The following CENPP variants were observed in gnomAD, a reference collection of about 807,000 sequenced individuals.
The protein encoded by CENPP is centromere protein P.
Under a neutral mutation model 35.6 loss-of-function variants are expected in CENPP, and 24 were observed. The observed-to-expected ratio is 0.67, with a 90% CI of 0.49 to 0.95. CENPP has a LOEUF of 0.95. CENPP is among the 40% of genes least tolerant of loss of function. The pLI is 0.00. For synonymous variants in CENPP, 120 were observed against 125.5 expected (o/e 0.96, Z 0.29); for missense variants, 332 against 345.3 (o/e 0.96, Z 0.31).
In CENPP at chr9:92,345,742, T is replaced by A. The variant is rs1841275657; in HGVS notation, c.422T>A (p.Ile141Lys). The A allele has an allele frequency of 1.2e-6, 2 of 1,603,748 alleles. No homozygotes were observed. Among genetic ancestry groups the A allele is most frequent in the Non-Finnish European group, 1.7e-6 (2 of 1,171,380 alleles). ...TCTGCTGTTACTGACCTCAACATAA[T>A]AATGGAGCCCACAGAATGCTCAGAA... is the stretch of plus-strand genomic sequence containing the variant. Reference protein sequence around the residue: ...LSSAVTDLNIIMEPTECSELS... With the variant: ...LSSAVTDLNIKMEPTECSELS... The change falls in exon 4 of 8, where the codon ATA (isoleucine) becomes AAA (lysine). Residue 141 changes from isoleucine (I) to lysine (K), a missense_variant. By Grantham distance (102) the Ile-to-Lys change is moderately radical. Coordinates refer to ENST00000375587, the MANE Select transcript of CENPP (RefSeq NM_001012267.3).
chr9:92,596,853 T>C (rs138353504), intron 5 of CENPP, among the ~76,000 whole-genome samples: 1 of 152,056 alleles, frequency 6.6e-6, no homozygotes, highest in East Asian at 1.9e-4. Context: ...AAATGAGGCA[T>C]AGGAAGTTTC....
chr9:92,510,161 G>T, intron 5 of CENPP: 1 of 1,010,160 alleles, frequency 9.9e-7, no homozygotes, highest in Non-Finnish European at 1.4e-6. Context: ...TAATGTCCAG[G>T]CCACACAGCA....
intron 5 of CENPP, among the ~76,000 whole-genome samples, chr9:92,464,051 A>G (rs1476038750): frequency 6.6e-6 from 1 of 152,198 alleles, no homozygotes; most frequent in Non-Finnish European, 1.5e-5. Flanking sequence ...ACTCATGGAT[A>G]CTGAAAGACG....
intron 5 of CENPP, among the ~76,000 whole-genome samples, chr9:92,487,574 A>C (rs1846089240): frequency 6.6e-6 from 1 of 152,250 alleles, no homozygotes; most frequent in Non-Finnish European, 1.5e-5. Flanking sequence ...TGAAACCTCC[A>C]ATATAATAAT....
At chr9:92,599,096 C>G (rs962060680) in intron 5 of CENPP, among the ~76,000 whole-genome samples, 3 of 151,370 alleles carry the variant, frequency 2.0e-5, no homozygotes, top group Non-Finnish European at 4.4e-5. Flanking sequence ...AATTCCACAC[C>G]CAGAGTAAGA....
rs561391431 is a variant in CENPP, at chr9:92,419,290, G to A, written c.564+39431G>A. Among the ~76,000 whole-genome samples, 11 of 146,428 alleles carry A rather than the reference G, an allele frequency of 7.5e-5. No homozygotes were observed. The South Asian group carries it at 2.1e-3, about 29-fold the overall frequency. Reference sequence around the variant, plus strand: ...ACCTTGGCTGCTTATCTTGTATGTTGCCTTGTGTCTTTTTTTTTTTTTTTT... The same window carrying A: ...ACCTTGGCTGCTTATCTTGTATGTTACCTTGTGTCTTTTTTTTTTTTTTTT... On this transcript the variant is annotated intron_variant, in intron 5 of 7. Coordinates refer to ENST00000375587, the MANE Select transcript of CENPP (RefSeq NM_001012267.3).
Position 92,614,720 on chromosome 9 carries a change from C to T in CENPP, c.*1571C>T, listed in dbSNP as rs1029592083. On this transcript the variant is annotated 3_prime_UTR_variant, in exon 8 of 8. Coordinates refer to ENST00000375587, the MANE Select transcript of CENPP (RefSeq NM_001012267.3). ...ATAAGCCTCCATTAGTCCCTCAAAA[C>T]GATGATATAAATAAGTCTGTACAAC... is the stretch of plus-strand genomic sequence containing the variant. 3 of 152,586 alleles carry T rather than the reference C, an allele frequency of 2.0e-5. No homozygotes were observed. The highest frequency in any genetic ancestry group is 2.1e-4 in the South Asian group (1 of 4,826). The allele number at this position is 152,586 out of a possible 1,614,324, so 9.5% of individuals were successfully genotyped here. A position where few individuals can be genotyped will look rare whatever the true frequency, so the allele number is the denominator to read the frequency against.
At chr9:92,441,586 C>G (rs543737374) in intron 5 of CENPP, among the ~76,000 whole-genome samples, 4 of 152,152 alleles carry the variant, frequency 2.6e-5, no homozygotes, top group African/African-American at 9.6e-5. Flanking sequence ...TAACAAGACT[C>G]CACCTCTACA....
intron 5 of CENPP, among the ~76,000 whole-genome samples, chr9:92,387,480 T>C (rs938966090): frequency 7.9e-5 from 12 of 152,208 alleles, no homozygotes; most frequent in African/African-American, 2.9e-4. Flanking sequence ...AATGTTGGAT[T>C]ATTCTTCATG....
intron 5 of CENPP, among the ~76,000 whole-genome samples, chr9:92,541,165 A>G (rs1222225944): frequency 6.6e-6 from 1 of 151,974 alleles, no homozygotes; most frequent in Non-Finnish European, 1.5e-5. Flanking sequence ...AGGCTGAGGC[A>G]GGACAATCAC....
At chr9:92,436,348 T>A (rs1217367389) in intron 5 of CENPP, among the ~76,000 whole-genome samples, 4 of 152,248 alleles carry the variant, frequency 2.6e-5, no homozygotes, top group Admixed American at 2.6e-4. Flanking sequence ...CTCCATTCTA[T>A]TGCATGCCTT....
At chr9:92,553,947 T>A (rs970630048) in intron 5 of CENPP, among the ~76,000 whole-genome samples, 1 of 152,168 alleles carries the variant, frequency 6.6e-6, no homozygotes, top group East Asian at 1.9e-4. Flanking sequence ...TCCAGTACTG[T>A]GTTGAAGAGG....
At chr9:92,470,748 T>C in intron 5 of CENPP, 1 of 1,597,482 alleles carries the variant, frequency 6.3e-7, no homozygotes, top group Non-Finnish European at 8.5e-7. Context: ...CATTCGAGTA[T>C]CAAATGGAAT....
At chr9:92,431,159 G>A (rs184187825) in intron 5 of CENPP, among the ~76,000 whole-genome samples, 14 of 152,248 alleles carry the variant, frequency 9.2e-5, no homozygotes, top group Non-Finnish European at 1.9e-4. Context: ...AGTGTTTACA[G>A]TGCTTGTTAA....
chr9:92,434,561 A>C (rs1844200822), intron 5 of CENPP, among the ~76,000 whole-genome samples: 1 of 152,218 alleles, frequency 6.6e-6, no homozygotes, highest in South Asian at 2.1e-4. Flanking sequence ...GAGAAAGTTC[A>C]GATATAAGCT....
In CENPP at chr9:92,593,313, A is replaced by G. The variant is rs1232356196; in HGVS notation, c.565-18001A>G. ...CTGACAGACCACCGTGGCATCACAC[A>G]CAGGAGATACTCCATAATATCATTT... is the stretch of plus-strand genomic sequence containing the variant. On this transcript the variant is annotated intron_variant, in intron 5 of 7. Transcript: ENST00000375587. The surrounding 1 kb of genome is among the most constrained non-coding windows in gnomAD (Gnocchi z 4.1). Among the ~76,000 whole-genome samples, 1 of 152,230 alleles carries G rather than the reference A, an allele frequency of 6.6e-6. No individual in the cohort carries two copies. The highest frequency in any genetic ancestry group is 2.4e-5 in the African/African-American group (1 of 41,466).
At chr9:92,562,202 C>CTTTTTTT (rs373787447) in intron 5 of CENPP, among the ~76,000 whole-genome samples, 2 of 133,452 alleles carry the variant, frequency 1.5e-5, no homozygotes, top group African/African-American at 2.9e-5. Flanking sequence ...TCTTTTTTTT[C>CTTTTTTT]TTTTCTTTTT....
intron 5 of CENPP, chr9:92,494,044 G>C: frequency 6.3e-7 from 1 of 1,589,724 alleles, no homozygotes; most frequent in Non-Finnish European, 8.5e-7. Flanking sequence ...CACAGCACTT[G>C]CCTGCTTACT....
intron 6 of CENPP, 42 bp from the exon 7 acceptor site, chr9:92,612,481 A>G (rs1343931464): frequency 6.6e-7 from 1 of 1,507,496 alleles, no homozygotes. Context: ...TTTTCGCCAG[A>G]TTTCAAAAAG....
Sources: allele counts gnomAD v4.1 joint callset (sites outside exome capture counted in the v4.1 genomes callset), GRCh38; gene constraint gnomAD v4.1.1; non-coding constraint Gnocchi (gnomAD v3.1); transcripts MANE v1.5; gene names NCBI Gene and HGNC (gene_info 2026-07-23, HGNC 2026-07-21).